Variants in OR3A2 observed in about 807,000 individuals in gnomAD.
OR3A2 encodes the protein olfactory receptor 3A2.
For synonymous variants in OR3A2, 126 were observed against 159.3 expected (o/e 0.79, Z 1.57); for missense variants, 318 against 392.8 (o/e 0.81, Z 1.61).
upstream of OR3A2, among the ~76,000 whole-genome samples, chr17:3,286,781 G>A (rs2150619169): frequency 6.6e-6 from 1 of 152,140 alleles, no homozygotes; most frequent in South Asian, 2.1e-4. Context: ...GTTTTTTCTT[G>A]TAAATTTGTT....
chr17:3,310,274 C>A, intron 3 of OR3A2: 1 of 513,172 alleles, frequency 1.9e-6, no homozygotes, highest in Non-Finnish European at 4.0e-6. Flanking sequence ...CCGGCCCCAT[C>A]TAACACTGCT....
chr17:3,301,104 G>A (rs542863851), intron 3 of OR3A2, among the ~76,000 whole-genome samples: 259 of 152,250 alleles, frequency 1.7e-3, no homozygotes, highest in Non-Finnish European at 2.7e-3. Flanking sequence ...ATGGACATTT[G>A]GGTTGGTTCC....
At chr17:3,377,029 G>A (rs1271846953) in intron 2 of OR3A2, among the ~76,000 whole-genome samples, 2 of 152,192 alleles carry the variant, frequency 1.3e-5, no homozygotes, top group East Asian at 1.9e-4. Context: ...TGTGGGTTTG[G>A]AGGCAGACTT....
intron 1 of OR3A2, 54 bp downstream of exon 1, chr17:3,386,062 ATGGTGGCGC>A: frequency 2.5e-6 from 1 of 398,736 alleles, no homozygotes; most frequent in Admixed American, 4.4e-5. Context: ...CAACCTGAGC[ATGGTGGCGC>A]TGGTGAGATC....
intron 2 of OR3A2, among the ~76,000 whole-genome samples, chr17:3,369,614 G>A (rs1597361653): frequency 6.6e-6 from 1 of 152,120 alleles, no homozygotes; most frequent in African/African-American, 2.4e-5. Flanking sequence ...TTTTCGATAT[G>A]CTGTTGGATT....
chr17:3,281,725 CA>C (rs1336879880), intron 1 of OR3A2, among the ~76,000 whole-genome samples: 23 of 152,142 alleles, frequency 1.5e-4, no homozygotes, highest in African/African-American at 5.6e-4. Context: ...AAATGACACA[CA>C]GAAAAGTTAC....
Position 3,323,978 on chromosome 17 carries a change from G to A in OR3A2, c.-85+12055C>T, listed in dbSNP as rs566531378. Among the ~76,000 whole-genome samples, 13 of 152,156 alleles carry A rather than the reference G, an allele frequency of 8.5e-5. No homozygotes were observed. In the South Asian group the frequency reaches 2.1e-3, roughly 24 times the overall value. ...TTTCCAACTTGGTTCCATTCTCCCC[G>A]TCATTTTCAGGTACACCAATCAGAC... On this transcript the variant is annotated intron_variant, in intron 3 of 4. Transcript: ENST00000573491.
chr17:3,334,980 C>T (rs369824884), intron 3 of OR3A2, among the ~76,000 whole-genome samples: 8 of 152,254 alleles, frequency 5.3e-5, no homozygotes, highest in East Asian at 3.9e-4. Flanking sequence ...TCACTGTGTC[C>T]ATTTCACTGT....
In OR3A2 at chr17:3,278,062, G is replaced by T. The variant is rs61742213; in HGVS notation, c.856C>A (p.Pro286Thr). Residue 286 changes from proline to threonine, a missense_variant, in exon 2 of 2, where the codon CCT (proline) becomes ACT (threonine). By Grantham distance (38) the Pro-to-Thr change is conservative. Transcript: ENST00000642052. ...CTGTAGATAAGAGGGTTCAGCATAGGGTTGATAACAGTGTTGAAAACTCCA... is the reference window on the plus strand; with the variant it reads ...CTGTAGATAAGAGGGTTCAGCATAGTGTTGATAACAGTGTTGAAAACTCCA... The T allele has an allele frequency of 2.5e-6, 4 of 1,614,084 alleles. No homozygotes were observed. In the South Asian group the frequency reaches 4.4e-5, roughly 18 times the overall value.
At chr17:3,348,059 G>C (rs948690858) in intron 2 of OR3A2, among the ~76,000 whole-genome samples, 1 of 152,114 alleles carries the variant, frequency 6.6e-6, no homozygotes, top group Admixed American at 6.5e-5. Flanking sequence ...AGAAGTGTCT[G>C]TTCACGTCCT....
At chr17:3,288,028 A>G (rs2048829714), upstream of OR3A2, among the ~76,000 whole-genome samples, 2 of 151,748 alleles carry the variant, frequency 1.3e-5, no homozygotes, top group African/African-American at 4.8e-5. Context: ...TACAGCATTT[A>G]GATGAAAAAG....
chr17:3,352,121 G>T (rs965899636), intron 2 of OR3A2, among the ~76,000 whole-genome samples: 20 of 151,944 alleles, frequency 1.3e-4, no homozygotes, highest in African/African-American at 4.6e-4. Flanking sequence ...TTCCTATAGA[G>T]TTGCTGAGCT....
intron 2 of OR3A2, 33 bp from the exon 2 acceptor site, chr17:3,336,159 C>T (rs916589212): frequency 4.6e-5 from 7 of 152,248 alleles, no homozygotes; most frequent in Admixed American, 6.5e-5. Context: ...TCAGCCCTGC[C>T]ATCAGCCAAG....
intron 2 of OR3A2, 148 bp from the exon 2 acceptor site, chr17:3,336,274 A>G (rs1387232837): frequency 2.0e-5 from 3 of 152,212 alleles, no homozygotes; most frequent in Admixed American, 1.3e-4. Flanking sequence ...TTTTTTCCCT[A>G]TTGTCTAAAT....
intron 2 of OR3A2, among the ~76,000 whole-genome samples, chr17:3,376,224 C>G (rs115222297): frequency 1.4e-4 from 21 of 152,178 alleles, no homozygotes; most frequent in African/African-American, 5.1e-4. Context: ...AGATTGTTGG[C>G]CCCCAGCCAG....
chr17:3,316,926 T>C (rs910349216), intron 3 of OR3A2, among the ~76,000 whole-genome samples: 9 of 152,234 alleles, frequency 5.9e-5, no homozygotes, highest in Non-Finnish European at 1.3e-4. Context: ...TACAGATCTG[T>C]TCAAGTTTTG....
chr17:3,320,633 G>A (rs1410655596), intron 3 of OR3A2, among the ~76,000 whole-genome samples: 1 of 150,966 alleles, frequency 6.6e-6, no homozygotes, highest in Non-Finnish European at 1.5e-5. Flanking sequence ...TATTAAATAG[G>A]GAATCCTTTC....
intron 2 of OR3A2, among the ~76,000 whole-genome samples, chr17:3,381,911 CTCA>C (rs1472255485): frequency 6.6e-6 from 1 of 152,132 alleles, no homozygotes; most frequent in Non-Finnish European, 1.5e-5. Context: ...CTTCAGAAGG[CTCA>C]TCATCTAGCA....
chr17:3,294,899 G>T (rs1204665774), intron 3 of OR3A2, among the ~76,000 whole-genome samples: 1 of 152,038 alleles, frequency 6.6e-6, no homozygotes, highest in East Asian at 1.9e-4. Flanking sequence ...GAGAATTCAA[G>T]GAAAGTTACA....
Sources: allele counts gnomAD v4.1 joint callset (sites outside exome capture counted in the v4.1 genomes callset), GRCh38; gene constraint gnomAD v4.1.1; transcripts MANE v1.5; gene names NCBI Gene and HGNC (gene_info 2026-07-23, HGNC 2026-07-21).